Variants in UBQLN1 observed in about 807,000 individuals in gnomAD.
UBQLN1 encodes the protein ubiquilin 1.
A neutral mutation model predicts 65.4 loss-of-function variants in UBQLN1; 13 were observed. The observed-to-expected ratio is 0.20, with a 90% CI of 0.13 to 0.32. The LOEUF is 0.32. Among genes scored for constraint, UBQLN1 ranks in the 10% least tolerant of loss-of-function variants. The probability of loss-of-function intolerance (pLI) is 1.00; values close to 1 mark genes in which losing one functional copy is unlikely to be tolerated. For missense variants in UBQLN1, 561 were observed against 724.0 expected (o/e 0.77, Z 2.58); for synonymous variants, 267 against 247.8 (o/e 1.08, Z -0.73).
intron 7 of UBQLN1, chr9:83,668,428 TCA>T (rs1831677170): frequency 1.0e-6 from 1 of 985,424 alleles, no homozygotes; most frequent in Non-Finnish European, 1.2e-6. Flanking sequence ...AAGGTTTATT[TCA>T]CATTCTCCGT....
intron 2 of UBQLN1, among the ~76,000 whole-genome samples, chr9:83,685,042 T>C (rs1379270556): frequency 5.9e-5 from 9 of 152,172 alleles, no homozygotes; most frequent in Admixed American, 1.3e-4. Flanking sequence ...GGGTACACTG[T>C]TGTATCATAT....
chr9:83,678,656 T>G, intron 4 of UBQLN1, 57 bp from the exon 5 acceptor site: 1 of 1,506,600 alleles, frequency 6.6e-7, no homozygotes, highest in Non-Finnish European at 9.0e-7. Flanking sequence ...ACACATGAAT[T>G]ACATTAATTA....
intron 1 of UBQLN1, among the ~76,000 whole-genome samples, chr9:83,705,847 T>C (rs1480300465): frequency 6.7e-6 from 1 of 149,068 alleles, no homozygotes; most frequent in African/African-American, 2.5e-5. Flanking sequence ...AAAAAAGCCT[T>C]ACCCAGAAAA....
chr9:83,694,268 T>TA (rs2131179470), intron 1 of UBQLN1, among the ~76,000 whole-genome samples: 1 of 152,332 alleles, frequency 6.6e-6, no homozygotes, highest in African/African-American at 2.4e-5. Flanking sequence ...ATTCTCTAAA[T>TA]AGTTATCTGA....
Position 83,666,441 on chromosome 9 carries a change from G to A in UBQLN1, c.1249-8C>T, listed in dbSNP as rs992814957. 1.2e-6 allele frequency: 2 copies of A among 1,612,902 alleles called. No homozygotes were observed. Among genetic ancestry groups the A allele is most frequent in the Non-Finnish European group, 1.7e-6 (2 of 1,179,142 alleles). On this transcript the variant is annotated splice_polypyrimidine_tract_variant and splice_region_variant and intron_variant, in intron 7 of 10. Coordinates refer to ENST00000376395, the MANE Select transcript of UBQLN1 (RefSeq NM_013438.5). ...GGGATTATTCAGCATCATCTATGGG[G>A]CAAGTGTTCAAACAATTTTAACTGG...
intron 10 of UBQLN1, 128 bp from the exon 11 acceptor site, chr9:83,662,067 A>G (rs896248909): frequency 1.4e-6 from 1 of 718,960 alleles, no homozygotes; most frequent in Non-Finnish European, 2.2e-6. Context: ...AACACTGCCC[A>G]CCTCTTGAAA....
intron 1 of UBQLN1, among the ~76,000 whole-genome samples, chr9:83,688,861 CAA>C (rs142002440): frequency 3.8e-5 from 5 of 130,630 alleles, no homozygotes; most frequent in African/African-American, 5.9e-5. Context: ...AACTCCGTTT[CAA>C]AAAAAAAAAA....
Position 83,661,559 on chromosome 9 carries a change from A to G in UBQLN1, c.*228T>C. ...AAGGTGATGTTTTTAAAAAATTACA[A>G]TAAATGCAGAAGTGATGCATGCAGT... On this transcript the variant is annotated 3_prime_UTR_variant, in exon 11 of 11. Coordinates refer to ENST00000376395, the MANE Select transcript of UBQLN1 (RefSeq NM_013438.5). 2.6e-6 allele frequency: 1 copy of G among 386,564 alleles called. No homozygotes were observed. The highest frequency in any genetic ancestry group is 4.0e-5 in the East Asian group (1 of 25,222). The allele number at this position is 386,564 out of a possible 1,614,324, so 23.9% of individuals were successfully genotyped here. A position where few individuals can be genotyped will look rare whatever the true frequency, so the allele number is the denominator to read the frequency against.
rs568112690 is a variant in UBQLN1 at position 83,707,796 on chromosome 9, C to A, written c.-117G>T. 2,251 of 1,376,658 alleles carry A rather than the reference C, an allele frequency of 1.6e-3. 3 individuals are homozygous for A. Among genetic ancestry groups the A allele is most frequent in the Non-Finnish European group, 1.9e-3 (2,038 of 1,060,416 alleles). The allele number at this position is 1,376,658 out of a possible 1,614,324, so 85.3% of individuals were successfully genotyped here. ...GGACAGCGAAGAATGCAGAGCACGC[C>A]GCCTCAGTAGCAACGGGCGCAGGGC... On this transcript the variant is annotated 5_prime_UTR_variant, in exon 1 of 11. Transcript: ENST00000376395.
rs1831560815 is a variant in UBQLN1 at position 83,661,525 on chromosome 9, C to G, written c.*262G>C. On this transcript the variant is annotated 3_prime_UTR_variant, in exon 11 of 11. Transcript: ENST00000376395. ...AGATGCAGGACAAAATCTGGTCACC[C>G]AACTATAAAAGGTGATGTTTTTAAA... The G allele has an allele frequency of 3.2e-6, 1 of 311,156 alleles. No individual in the cohort carries two copies. The highest frequency in any genetic ancestry group is 5.8e-6 in the Non-Finnish European group (1 of 171,004). The allele number at this position is 311,156 out of a possible 1,614,324, so 19.3% of individuals were successfully genotyped here.
rs1370563786 is a variant in UBQLN1 at position 83,660,596 on chromosome 9, A to G, written c.*1191T>C. On this transcript the variant is annotated 3_prime_UTR_variant, in exon 11 of 11. Transcript: ENST00000376395. Reference sequence around the variant, plus strand: ...TTCTTTACTACACTATATGCACAGAAATCCTAACAGAATCTTGGTTGCCAG... The same window carrying G: ...TTCTTTACTACACTATATGCACAGAGATCCTAACAGAATCTTGGTTGCCAG... 6.6e-6 allele frequency: 1 copy of G among 152,138 alleles called. No individual in the cohort carries two copies. The highest frequency in any genetic ancestry group is 6.5e-5 in the Admixed American group (1 of 15,276). The allele number at this position is 152,138 out of a possible 1,614,324, so 9.4% of individuals were successfully genotyped here.
At chr9:83,673,940 T>G (rs1831782839) in intron 6 of UBQLN1, among the ~76,000 whole-genome samples, 1 of 152,092 alleles carries the variant, frequency 6.6e-6, no homozygotes, top group Admixed American at 6.6e-5. Flanking sequence ...GTAGCTGTAC[T>G]ACAGCTGCAC....
At chr9:83,680,842 G>C (rs1318232727) in intron 3 of UBQLN1, among the ~76,000 whole-genome samples, 1 of 152,208 alleles carries the variant, frequency 6.6e-6, no homozygotes, top group Non-Finnish European at 1.5e-5. Flanking sequence ...AGATGGCCTA[G>C]AACTTGTGAC....
At chr9:83,695,332 G>A (rs1298318437) in intron 1 of UBQLN1, among the ~76,000 whole-genome samples, 2 of 151,830 alleles carry the variant, frequency 1.3e-5, no homozygotes, top group Non-Finnish European at 2.9e-5. Flanking sequence ...CCAGGTGGCT[G>A]GGACTACAGG....
At chr9:83,691,030 C>G (rs13294533) in intron 1 of UBQLN1, among the ~76,000 whole-genome samples, 4 of 151,372 alleles carry the variant, frequency 2.6e-5, no homozygotes, top group African/African-American at 9.7e-5. Context: ...CCCAGCTACT[C>G]GGGAGGCTAA....
At chr9:83,700,709 A>G (rs561639583) in intron 1 of UBQLN1, among the ~76,000 whole-genome samples, 5 of 152,328 alleles carry the variant, frequency 3.3e-5, no homozygotes, top group Middle Eastern at 3.4e-3. Flanking sequence ...AACAAACTGT[A>G]CAGAAGTCCT....
At chr9:83,688,146 G>A (rs532742225) in intron 1 of UBQLN1, among the ~76,000 whole-genome samples, 1 of 152,168 alleles carries the variant, frequency 6.6e-6, no homozygotes, top group African/African-American at 2.4e-5. Flanking sequence ...AGAATTAAAC[G>A]AGAATGTATA....
Position 83,669,199 on chromosome 9 carries a change from C to A in UBQLN1, c.1234G>T (p.Asp412Tyr), listed in dbSNP as rs1164839458. The A allele has an allele frequency of 9.9e-6, 16 of 1,610,558 alleles. No homozygotes were observed. The highest frequency in any genetic ancestry group is 1.4e-5 in the Non-Finnish European group (16 of 1,179,330). Residue 412 changes from aspartate (D) to tyrosine (Y), a missense_variant, in exon 7 of 11, where the codon GAC becomes TAC. By Grantham distance (160) the Asp-to-Tyr change is radical. Around this residue, in one of 8 missense-constraint regions of UBQLN1, gnomAD observed 102 missense variants for 150.7 expected, o/e 0.68. Coordinates refer to ENST00000376395, the MANE Select transcript of UBQLN1 (RefSeq NM_013438.5). Reference protein sequence around the residue: ...SMMQSLSQNPDLAAQMMLNNP... With the variant: ...SMMQSLSQNPYLAAQMMLNNP... ...TACAAACTCACCTGTGCAGCAAGGT[C>A]AGGATTCTGGCTTAGTGACTGCATC...
intron 1 of UBQLN1, among the ~76,000 whole-genome samples, chr9:83,706,516 T>C (rs1832409605): frequency 6.6e-6 from 1 of 152,242 alleles, no homozygotes; most frequent in African/African-American, 2.4e-5. Flanking sequence ...CTACTGTCCC[T>C]GGGGAAACTG....
Sources: gnomAD v4.1 joint callset for allele counts (sites outside exome capture counted in the v4.1 genomes callset) on GRCh38, gnomAD v4.1.1 for gene constraint, gnomAD v4.1.1 regional missense constraint, MANE v1.5 for transcripts, NCBI Gene and HGNC (gene_info 2026-07-23, HGNC 2026-07-21) for gene names.